The following NXPH1 variants were observed in gnomAD, a reference collection of about 807,000 sequenced individuals.
NXPH1 encodes neurexophilin-1.
In NXPH1, 5 loss-of-function variants were observed where a neutral mutation model predicts 23.7. That is an observed-to-expected ratio of 0.21 (90% CI 0.11 to 0.44). The LOEUF is 0.44. NXPH1 is among the 20% of genes least tolerant of loss of function. NXPH1 has a pLI of 0.99. For missense variants in NXPH1, 324 were observed against 321.6 expected (o/e 1.01, Z -0.06); for synonymous variants, 144 against 122.2 (o/e 1.18, Z -1.18).
intron 2 of NXPH1, among the ~76,000 whole-genome samples, chr7:8,667,179 C>G (rs993109732): frequency 1.3e-5 from 2 of 151,770 alleles, no homozygotes; most frequent in African/African-American, 4.8e-5. Flanking sequence ...TTTTTAAATA[C>G]TTTTGCATTT....
At chr7:8,710,954 G>A (rs576549182) in intron 2 of NXPH1, among the ~76,000 whole-genome samples, 12 of 114,998 alleles carry the variant, frequency 1.0e-4, no homozygotes, top group Middle Eastern at 4.9e-3. Flanking sequence ...GAGCCACCGC[G>A]CCCGGCCGTT....
chr7:8,460,151 C>G (rs529271429), intron 2 of NXPH1, among the ~76,000 whole-genome samples: 8 of 152,066 alleles, frequency 5.3e-5, no homozygotes, highest in African/African-American at 1.7e-4. Context: ...TCATTTTTCC[C>G]TAGGCTAGAT....
rs118164098 is a variant in NXPH1 at position 8,450,693 on chromosome 7, C to T, written c.54+14926C>T. On this transcript the variant is annotated intron_variant, in intron 2 of 2. Transcript: ENST00000405863. ...GCCTTGGGGCAAAAAATTAAATGTT[C>T]CATTTTGCAGCAGTATCATCTTTCA... Among the ~76,000 whole-genome samples the T allele has an allele frequency of 5.2e-3, 785 of 152,298 alleles. 4 individuals carry two copies. Among genetic ancestry groups the T allele is most frequent in the Non-Finnish European group, 9.1e-3 (617 of 68,016 alleles).
At chr7:8,742,458 C>A (rs1360200831) in intron 2 of NXPH1, among the ~76,000 whole-genome samples, 2 of 152,014 alleles carry the variant, frequency 1.3e-5, no homozygotes, top group African/African-American at 4.8e-5. Context: ...AGAATTCTAA[C>A]TATACTTAAG....
chr7:8,556,850 A>G (rs578234867), intron 2 of NXPH1, among the ~76,000 whole-genome samples: 173 of 151,730 alleles, frequency 1.1e-3, no homozygotes, highest in Non-Finnish European at 2.2e-3. Context: ...TGTGTCAGGC[A>G]TGGGCTAAAG....
intron 2 of NXPH1, among the ~76,000 whole-genome samples, chr7:8,523,221 A>T (rs1165869930): frequency 6.6e-6 from 1 of 152,194 alleles, no homozygotes; most frequent in African/African-American, 2.4e-5. Context: ...TATCTTCCAG[A>T]GTTACAGCAG....
chr7:8,643,521 T>C (rs1409566283), intron 2 of NXPH1, among the ~76,000 whole-genome samples: 1 of 152,130 alleles, frequency 6.6e-6, no homozygotes, highest in African/African-American at 2.4e-5. Flanking sequence ...TTTGTTAATA[T>C]GACAATTTGA....
At chr7:8,643,053 C>A (rs1017338627) in intron 2 of NXPH1, among the ~76,000 whole-genome samples, 1 of 151,778 alleles carries the variant, frequency 6.6e-6, no homozygotes, top group African/African-American at 2.4e-5. Flanking sequence ...TTAGTTGAGA[C>A]AGGGTTTCAC....
chr7:8,459,207 TGAG>T (rs1816649811), intron 2 of NXPH1, among the ~76,000 whole-genome samples: 1 of 152,050 alleles, frequency 6.6e-6, no homozygotes, highest in Non-Finnish European at 1.5e-5. Flanking sequence ...AAGTGGTTAA[TGAG>T]GACATAAAAT....
chr7:8,648,086 G>A (rs1038366810), intron 2 of NXPH1, among the ~76,000 whole-genome samples: 1 of 152,032 alleles, frequency 6.6e-6, no homozygotes, highest in Non-Finnish European at 1.5e-5. Context: ...TTTGATACAG[G>A]CATGCAATGT....
At chr7:8,632,328 T>A (rs1000592544) in intron 2 of NXPH1, among the ~76,000 whole-genome samples, 43 of 152,184 alleles carry the variant, frequency 2.8e-4, no homozygotes, top group African/African-American at 1.0e-3. Flanking sequence ...TCTATCAATA[T>A]TTTATACGTT....
intron 2 of NXPH1, among the ~76,000 whole-genome samples, chr7:8,499,943 C>T (rs1434983394): frequency 2.0e-5 from 3 of 152,028 alleles, no homozygotes; most frequent in African/African-American, 7.2e-5. Flanking sequence ...GAAGCATGTA[C>T]GGACAGAAAA....
intron 2 of NXPH1, among the ~76,000 whole-genome samples, chr7:8,737,954 AG>A (rs1243594624): frequency 1.2e-4 from 18 of 152,252 alleles, no homozygotes; most frequent in African/African-American, 4.3e-4. Context: ...TGTTTCATGA[AG>A]TTCTCGTGCT....
chr7:8,485,331 C>A (rs1349900102), intron 2 of NXPH1, among the ~76,000 whole-genome samples: 1 of 152,096 alleles, frequency 6.6e-6, no homozygotes, highest in Non-Finnish European at 1.5e-5. Flanking sequence ...TCCATTAAAC[C>A]TTTTTCTTTT....
chr7:8,751,891 C>A lies in NXPH1; in HGVS notation c.*122C>A, dbSNP rs1263282214. 1.1e-6 allele frequency: 1 copy of A among 930,096 alleles called. No individual in the cohort carries two copies. The highest frequency in any genetic ancestry group is 1.6e-6 in the Non-Finnish European group (1 of 641,636). The allele number at this position is 930,096 out of a possible 1,614,324, so 57.6% of individuals were successfully genotyped here. On this transcript the variant is annotated 3_prime_UTR_variant, in exon 3 of 3. Transcript: ENST00000405863. This position sits in a 1 kb window ranked among gnomAD's most constrained non-coding sequence, Gnocchi z 4.5. The stretch of plus-strand genomic sequence containing the variant: ...GTGTCTACACTGCTGCTCTTGTCAA[C>A]TGGCTGCAAAATACACTAGTGGAAA...
intron 2 of NXPH1, among the ~76,000 whole-genome samples, chr7:8,445,517 G>T (rs11980249): frequency 1.3e-5 from 2 of 152,118 alleles, no homozygotes; most frequent in Admixed American, 6.5e-5. Flanking sequence ...GAGCTAAGAT[G>T]AAGATACAAA....
At chr7:8,646,541 A>G (rs1439680002) in intron 2 of NXPH1, among the ~76,000 whole-genome samples, 1 of 152,060 alleles carries the variant, frequency 6.6e-6, no homozygotes, top group Non-Finnish European at 1.5e-5. Flanking sequence ...TCTTGCTTTT[A>G]AAAGAAATAT....
chr7:8,694,837 A>C (rs1238470417), intron 2 of NXPH1, among the ~76,000 whole-genome samples: 1 of 152,234 alleles, frequency 6.6e-6, no homozygotes, highest in African/African-American at 2.4e-5. Flanking sequence ...CATGAAAAAA[A>C]GTTGAAGAAA....
chr7:8,605,978 T>C (rs550702624), intron 2 of NXPH1, among the ~76,000 whole-genome samples: 1 of 152,244 alleles, frequency 6.6e-6, no homozygotes, highest in East Asian at 1.9e-4. Flanking sequence ...AAAGAATCTG[T>C]CATTCCAGAA....
Sources: gnomAD v4.1 joint callset for allele counts (sites outside exome capture counted in the v4.1 genomes callset) on GRCh38, gnomAD v4.1.1 for gene constraint, Gnocchi (gnomAD v3.1) non-coding constraint, MANE v1.5 for transcripts, NCBI Gene and HGNC (gene_info 2026-07-23, HGNC 2026-07-21) for gene names.